CD86: variants seen among roughly 807,000 people sequenced by gnomAD.
The protein encoded by CD86 is T-lymphocyte activation antigen CD86.
Under a neutral mutation model 32.1 loss-of-function variants are expected in CD86, and 11 were observed. The observed-to-expected ratio is 0.34, with a 90% CI of 0.22 to 0.57. CD86 has a LOEUF of 0.57. Ranked by LOEUF, CD86 falls within the 20% of genes least tolerant of loss-of-function variation. CD86 has a pLI of 0.86. For missense variants in CD86, 359 were observed against 398.4 expected, an observed-to-expected ratio of 0.90 and a Z score of 0.84; for synonymous variants, 137 against 135.3, an observed-to-expected ratio of 1.01 and a Z score of -0.09.
At chr3:122,058,739 G>A (rs1490977641) in intron 1 of CD86, among the ~76,000 whole-genome samples, 1 of 151,998 alleles carries the variant, frequency 6.6e-6, no homozygotes, top group Non-Finnish European at 1.5e-5. Context: ...AACAAATAGA[G>A]ACATGATAAA....
rs1416715711 is a variant in CD86, at chr3:122,119,594, G to A, written c.*60G>A. ...TCTACCCTTTCCTTTGTAAGTTCCT[G>A]GGCAACCTTTTTGATTTCTTCCAGA... On this transcript the variant is annotated 3_prime_UTR_variant, in exon 7 of 7. Transcript: ENST00000330540. 22 of 1,083,762 alleles carry A rather than the reference G, an allele frequency of 2.0e-5. No individual in the cohort carries two copies. The highest frequency in any genetic ancestry group is 3.2e-5 in the African/African-American group (2 of 63,310). 67.1% of individuals were successfully genotyped at this position (1,083,762 alleles called of 1,614,324 possible). A position where few individuals can be genotyped will look rare whatever the true frequency, so the allele number is the denominator to read the frequency against.
At chr3:122,090,342 C>T (rs189737164) in intron 1 of CD86, among the ~76,000 whole-genome samples, 60 of 152,288 alleles carry the variant, frequency 3.9e-4, no homozygotes, top group Non-Finnish European at 7.9e-4. Context: ...TTCTGCTATT[C>T]GATCAAGAAT....
intron 2 of CD86, among the ~76,000 whole-genome samples, chr3:122,101,697 A>G (rs2073012275): frequency 6.6e-6 from 1 of 151,838 alleles, no homozygotes; most frequent in Admixed American, 6.6e-5. Context: ...CCTATATTAC[A>G]TGACAATTTA....
At chr3:122,112,281 C>T (rs1359255248) in intron 5 of CD86, among the ~76,000 whole-genome samples, 3 of 151,862 alleles carry the variant, frequency 2.0e-5, no homozygotes, top group Non-Finnish European at 4.4e-5. Flanking sequence ...GGTAAAGTGC[C>T]TTTTTCAAAA....
chr3:122,101,857 G>A (rs935674696), intron 2 of CD86, among the ~76,000 whole-genome samples: 4 of 151,962 alleles, frequency 2.6e-5, no homozygotes, highest in Non-Finnish European at 5.9e-5. Context: ...TCTTCCTTAG[G>A]TCTCCCTTTC....
intron 1 of CD86, among the ~76,000 whole-genome samples, chr3:122,061,515 A>G (rs1559895684): frequency 1.3e-5 from 2 of 152,206 alleles, no homozygotes; most frequent in Non-Finnish European, 2.9e-5. Context: ...ATTAGACAGT[A>G]AAACAAACAA....
In CD86 at chr3:122,103,525, G is replaced by T. The variant is rs376775826; in HGVS notation, c.78G>T (p.Leu26=). ...CTTCTTTTTTAGGTGCTGCTCCTCT[G>T]AAGATTCAAGCTTATTTCAATGAGA... ...MAFLLSGAAP[L]KIQAYFNETA... The change falls in exon 3 of 7, where the codon CTG becomes CTT. Residue 26 remains leucine (L), a synonymous_variant. Coordinates refer to ENST00000330540, the MANE Select transcript of CD86 (RefSeq NM_175862.5). 5 of 1,610,698 alleles carry T rather than the reference G, an allele frequency of 3.1e-6. No individual in the cohort carries two copies. In the African/African-American group the frequency reaches 5.4e-5, roughly 17 times the overall value.
chr3:122,098,779 A>G (rs555069851), intron 2 of CD86, among the ~76,000 whole-genome samples: 1 of 152,298 alleles, frequency 6.6e-6, no homozygotes, highest in South Asian at 2.1e-4. Flanking sequence ...CTCCTCAGAC[A>G]CACTTGTGTA....
rs1480490402 is a variant in CD86, at chr3:122,101,510, AAAAATATATAT to A, written c.65-2000_65-1990del. ...AGGCTCTACAGAAAAAAAAAAAAAAAAAAATATATATATATATATATATATATATATGTAAA... is the reference window on the plus strand; with the variant it reads ...AGGCTCTACAGAAAAAAAAAAAAAAAATATATATATATATATATATGTAAA... On this transcript the variant is annotated intron_variant, in intron 2 of 6. Coordinates refer to ENST00000330540, the MANE Select transcript of CD86 (RefSeq NM_175862.5). 2.8e-3 allele frequency among the ~76,000 whole-genome samples: 81 copies of A among 28,654 alleles called. No homozygotes were observed. In the South Asian group the frequency reaches 0.041, roughly 14 times the overall value. The allele number at this position is 28,654 out of a possible 152,430, so 18.8% of individuals were successfully genotyped here. A position where few individuals can be genotyped will look rare whatever the true frequency, so the allele number is the denominator to read the frequency against.
chr3:122,105,391 C>G (rs547662239), intron 3 of CD86, among the ~76,000 whole-genome samples: 12 of 152,218 alleles, frequency 7.9e-5, no homozygotes, highest in Non-Finnish European at 1.2e-4. Flanking sequence ...AATGACAGAC[C>G]TTTTAGTAAG....
At chr3:122,056,344 A>G (rs1469800670) in intron 1 of CD86, among the ~76,000 whole-genome samples, 2 of 151,924 alleles carry the variant, frequency 1.3e-5, no homozygotes, top group Non-Finnish European at 2.9e-5. Context: ...ATTTTTAATT[A>G]TTTATTTTTG....
In CD86 at chr3:122,103,862, G is replaced by T; in HGVS notation, c.400+15G>T. 2.5e-6 allele frequency: 4 copies of T among 1,593,820 alleles called. No homozygotes were observed. The highest frequency in any genetic ancestry group is 3.4e-6 in the Non-Finnish European group (4 of 1,164,196). On this transcript the variant is annotated intron_variant, in intron 3 of 6. Transcript: ENST00000330540. ...GTCAGTGCTTGGTATGTGGTCAATGGTGTGTGTTCAGATTCTTAGCCTTCT... is the reference window on the plus strand; with the variant it reads ...GTCAGTGCTTGGTATGTGGTCAATGTTGTGTGTTCAGATTCTTAGCCTTCT...
intron 5 of CD86, among the ~76,000 whole-genome samples, chr3:122,110,345 A>G (rs2073154257): frequency 6.6e-6 from 1 of 152,238 alleles, no homozygotes. Context: ...TAACTTTATA[A>G]TAATGCCATG....
chr3:122,093,826 A>T (rs1258392467), intron 2 of CD86, among the ~76,000 whole-genome samples: 1 of 152,208 alleles, frequency 6.6e-6, no homozygotes, highest in Non-Finnish European at 1.5e-5. Context: ...AGATGTGGAC[A>T]CTAAAGCCCA....
intron 2 of CD86, among the ~76,000 whole-genome samples, chr3:122,096,767 T>C (rs2072914452): frequency 6.6e-6 from 1 of 152,238 alleles, no homozygotes; most frequent in Non-Finnish European, 1.5e-5. Flanking sequence ...CCAGAATCCA[T>C]GCTATTAGTT....
At chr3:122,112,464 G>A (rs968243898) in intron 5 of CD86, among the ~76,000 whole-genome samples, 7 of 152,002 alleles carry the variant, frequency 4.6e-5, no homozygotes, top group South Asian at 2.1e-4. Flanking sequence ...CTACAGGCAC[G>A]TGCCACCAAG....
intron 5 of CD86, among the ~76,000 whole-genome samples, chr3:122,115,001 G>A (rs1018156616): frequency 3.9e-5 from 6 of 152,116 alleles, no homozygotes; most frequent in Non-Finnish European, 8.8e-5. Context: ...GTTCCACATT[G>A]TACTGGAGGT....
intron 1 of CD86, among the ~76,000 whole-genome samples, chr3:122,087,712 C>A (rs1420336214): frequency 1.3e-5 from 2 of 152,092 alleles, no homozygotes. Flanking sequence ...GATTGTTACT[C>A]CTGGGCCAGG....
Position 122,119,575 on chromosome 3 carries a change from C to T in CD86, c.*41C>T, listed in dbSNP as rs746421876. 1 of 1,282,780 alleles carries T rather than the reference C, an allele frequency of 7.8e-7. No homozygotes were observed. Among genetic ancestry groups the T allele is most frequent in the South Asian group, 1.2e-5 (1 of 80,742 alleles). The allele number at this position is 1,282,780 out of a possible 1,614,324, so 79.5% of individuals were successfully genotyped here. On this transcript the variant is annotated 3_prime_UTR_variant, in exon 7 of 7. Coordinates refer to ENST00000330540, the MANE Select transcript of CD86 (RefSeq NM_175862.5). ...CATACAAGTATTCATTTTTTCTACC[C>T]TTTCCTTTGTAAGTTCCTGGGCAAC...
Sources: gnomAD v4.1 joint callset for allele counts (sites outside exome capture counted in the v4.1 genomes callset) on GRCh38, gnomAD v4.1.1 for gene constraint, MANE v1.5 for transcripts, NCBI Gene and HGNC (gene_info 2026-07-23, HGNC 2026-07-21) for gene names.